Variants in SDHB observed in about 807,000 individuals in gnomAD.
SDHB encodes the protein succinate dehydrogenase [ubiquinone] iron-sulfur subunit, mitochondrial.
SDHB carries 21 observed loss-of-function variants against 39.7 expected under a neutral mutation model. The observed-to-expected ratio is 0.53, with a 90% confidence interval of 0.37 to 0.76. The LOEUF is 0.76. SDHB is among the 30% of genes least tolerant of loss of function. The probability of loss-of-function intolerance (pLI) is 0.00; values close to 1 mark genes in which losing one functional copy is unlikely to be tolerated. For synonymous variants in SDHB, 118 were observed against 117.0 expected, an observed-to-expected ratio of 1.01 and a Z score of -0.06; for missense variants, 343 against 350.9, an observed-to-expected ratio of 0.98 and a Z score of 0.18.
chr1:17,048,106 T>C (rs1436494356), intron 1 of SDHB, among the ~76,000 whole-genome samples: 4 of 152,206 alleles, frequency 2.6e-5, no homozygotes, highest in African/African-American at 9.6e-5. Context: ...TCACTAACAT[T>C]GCCCTTTTAT....
intron 6 of SDHB, among the ~76,000 whole-genome samples, 163 bp downstream of exon 6, chr1:17,023,810 G>T (rs557781753): frequency 6.6e-6 from 1 of 152,198 alleles, no homozygotes. Context: ...CAGATTTACC[G>T]AAAGCAAGTG....
intron 3 of SDHB, among the ~76,000 whole-genome samples, chr1:17,030,106 T>C (rs1378980266): frequency 1.3e-5 from 2 of 152,022 alleles, no homozygotes; most frequent in African/African-American, 4.8e-5. Context: ...GGAGAATCAT[T>C]TGAACTGAGG....
chr1:17,030,491 G>C (rs891954913), intron 3 of SDHB, among the ~76,000 whole-genome samples: 1 of 152,136 alleles, frequency 6.6e-6, no homozygotes, highest in Non-Finnish European at 1.5e-5. Flanking sequence ...AACAAAAAAC[G>C]TGCTGACCCA....
chr1:17,022,894 C>T lies in SDHB; in HGVS notation c.643-164G>A, dbSNP rs1269672694. 4 of 860,576 alleles carry T rather than the reference C, an allele frequency of 4.6e-6. No homozygotes were observed. In the East Asian group the frequency reaches 1.2e-4, roughly 25 times the overall value. The allele number at this position is 860,576 out of a possible 1,614,324, so 53.3% of individuals were successfully genotyped here. A position where few individuals can be genotyped will look rare whatever the true frequency, so the allele number is the denominator to read the frequency against. On this transcript the variant is annotated intron_variant, in intron 6 of 7. Transcript: ENST00000375499. ...TGTCCATCTTTCAAGGAAAGGTTCC[C>T]AACACTTGTAGCTTCACTTGATTAA... is the stretch of plus-strand genomic sequence containing the variant.
chr1:17,019,496 G>A (rs1416298447), intron 7 of SDHB, among the ~76,000 whole-genome samples: 5 of 152,114 alleles, frequency 3.3e-5, no homozygotes, highest in Non-Finnish European at 7.4e-5. Context: ...GTTAACATCT[G>A]CTTTGCAGGA....
At chr1:17,036,971 TTATCTGCTAA>T (rs1415505475) in intron 2 of SDHB, among the ~76,000 whole-genome samples, 1 of 151,816 alleles carries the variant, frequency 6.6e-6, no homozygotes, top group Non-Finnish European at 1.5e-5. Context: ...AAAAATACAT[TTATCTGCTAA>T]TATCTGCTAC....
intron 2 of SDHB, among the ~76,000 whole-genome samples, chr1:17,042,953 A>ATTTTT (rs1468014191): frequency 3.7e-5 from 2 of 53,868 alleles, no homozygotes; most frequent in Non-Finnish European, 8.6e-5. Context: ...TTGTTTTATG[A>ATTTTT]GTTTTTTTTT....
intron 1 of SDHB, chr1:17,045,326 G>T: frequency 4.3e-6 from 1 of 232,722 alleles, no homozygotes; most frequent in Non-Finnish European, 8.7e-6. Context: ...AGGAGTGTGG[G>T]GTGTGGTCTG....
At chr1:17,049,647 CTTTTTTTTTTTTTTTTTT>C (rs397835910) in intron 1 of SDHB, among the ~76,000 whole-genome samples, 1 of 52,064 alleles carries the variant, frequency 1.9e-5, no homozygotes, top group Non-Finnish European at 3.0e-5. Flanking sequence ...TCCCCTAGTT[CTTTTTTTTTTTTTTTTTT>C]TTTTTTTTTT....
chr1:17,025,278 T>C (rs1459885063), intron 5 of SDHB, among the ~76,000 whole-genome samples: 1 of 151,920 alleles, frequency 6.6e-6, no homozygotes, highest in African/African-American at 2.4e-5. Context: ...ATAACATAAG[T>C]GAAAAAAGCA....
intron 2 of SDHB, among the ~76,000 whole-genome samples, chr1:17,043,694 T>C (rs2078093494): frequency 6.6e-6 from 1 of 152,106 alleles, no homozygotes; most frequent in Non-Finnish European, 1.5e-5. Flanking sequence ...AAAGAGTGGT[T>C]TTGAGAGATG....
At position 17,027,778 on chromosome 1, in the gene SDHB, G is replaced by A. The variant is rs780870337; in HGVS notation, c.511C>T (p.Leu171=). The change falls in exon 5 of 8, where the codon CTG becomes TTG. Residue 171 remains leucine (L), a synonymous_variant. Coordinates refer to ENST00000375499, the MANE Select transcript of SDHB (RefSeq NM_003000.3). ...TTCTCACGCTCTTCTATGGACTGCA[G>A]ATACTGCTGCTTGCCTTCCTGAGAT... ...DESQEGKQQY[L]QSIEEREKLD... 2 of 1,608,900 alleles carry A rather than the reference G, an allele frequency of 1.2e-6. No homozygotes were observed. The highest frequency in any genetic ancestry group is 2.2e-5 in the South Asian group (2 of 90,942).
intron 2 of SDHB, among the ~76,000 whole-genome samples, chr1:17,042,648 T>C (rs867562072): frequency 6.6e-6 from 1 of 152,050 alleles, no homozygotes; most frequent in Admixed American, 6.6e-5. Context: ...TGTGGTGGCA[T>C]GTGCCTATAG....
At chr1:17,022,841 A>G in intron 6 of SDHB, 111 bp from the exon 7 acceptor site, 2 of 1,307,580 alleles carry the variant, frequency 1.5e-6, no homozygotes. Context: ...CTCAGCTTAG[A>G]TGCCTCATCT....
intron 7 of SDHB, among the ~76,000 whole-genome samples, chr1:17,021,890 T>C (rs2077963901): frequency 6.6e-6 from 1 of 152,204 alleles, no homozygotes; most frequent in Non-Finnish European, 1.5e-5. Flanking sequence ...CTTTATAAAA[T>C]TACCCAGTCT....
At chr1:17,026,791 T>C (rs2077993980) in intron 5 of SDHB, among the ~76,000 whole-genome samples, 1 of 152,162 alleles carries the variant, frequency 6.6e-6, no homozygotes, top group African/African-American at 2.4e-5. Flanking sequence ...TATATGTATA[T>C]GTTTTAGAGA....
In SDHB at chr1:17,032,323, G is replaced by A. The variant is rs2078028028; in HGVS notation, c.286+737C>T. Among the ~76,000 whole-genome samples, 4 of 147,726 alleles carry A rather than the reference G, an allele frequency of 2.7e-5. 1 individual carries two copies. The South Asian group carries it at 8.4e-4, about 31-fold the overall frequency. ...CTGCCTCAGCCTCCCGAGTAGCCAGGATTACAGGCGTCCGCTATCACGCCC... is the reference window on the plus strand; with the variant it reads ...CTGCCTCAGCCTCCCGAGTAGCCAGAATTACAGGCGTCCGCTATCACGCCC... On this transcript the variant is annotated intron_variant, in intron 3 of 7. Transcript: ENST00000375499.
chr1:17,045,216 C>A, intron 1 of SDHB: 1 of 346,382 alleles, frequency 2.9e-6, no homozygotes, highest in Non-Finnish European at 5.6e-6. Context: ...GTACAGGGAG[C>A]TCTGGATGAA....
At chr1:17,034,815 G>A (rs916798893) in intron 2 of SDHB, among the ~76,000 whole-genome samples, 1 of 152,112 alleles carries the variant, frequency 6.6e-6, no homozygotes, top group African/African-American at 2.4e-5. Flanking sequence ...GTTTTAAATC[G>A]AGACTTTTGA....
Sources: gnomAD v4.1 joint callset for allele counts (sites outside exome capture counted in the v4.1 genomes callset) on GRCh38, gnomAD v4.1.1 for gene constraint, MANE v1.5 for transcripts, NCBI Gene and HGNC (gene_info 2026-07-23, HGNC 2026-07-21) for gene names.